CDH12: variants seen among roughly 807,000 people sequenced by gnomAD.
CDH12 encodes the protein cadherin-12.
A neutral mutation model predicts 74.1 loss-of-function variants in CDH12; 41 were observed. The ratio of observed to expected loss-of-function variants is 0.55; its 90% confidence interval spans 0.43 to 0.72. The LOEUF (loss-of-function observed/expected upper bound fraction) is 0.72, where lower values mean the gene tolerates loss of function less well. Among genes scored for constraint, CDH12 ranks in the 30% least tolerant of loss-of-function variants. The pLI, the probability that CDH12 is intolerant of heterozygous loss-of-function variation, is 0.00. For synonymous variants in CDH12, 399 were observed against 355.0 expected (o/e 1.12, Z -1.39); for missense variants, 945 against 977.2 (o/e 0.97, Z 0.44).
At chr5:21,841,647 G>A (rs1749859609) in intron 8 of CDH12, among the ~76,000 whole-genome samples, 1 of 151,482 alleles carries the variant, frequency 6.6e-6, no homozygotes, top group South Asian at 2.1e-4. Flanking sequence ...AGAAAATGTG[G>A]CACATACACA....
At chr5:22,558,236 G>A (rs1245844399) in intron 1 of CDH12, among the ~76,000 whole-genome samples, 1 of 152,006 alleles carries the variant, frequency 6.6e-6, no homozygotes, top group East Asian at 1.9e-4. Context: ...AAGTTACAAG[G>A]AAAGTTGGAA....
At chr5:22,753,420 G>A (rs997877304) in intron 1 of CDH12, among the ~76,000 whole-genome samples, 7 of 149,094 alleles carry the variant, frequency 4.7e-5, no homozygotes, top group African/African-American at 1.5e-4. Context: ...CTGGGAGACA[G>A]AGCGAGACTG....
At chr5:21,872,921 C>CTATCTATCTATCTATCT (rs1554039681) in intron 6 of CDH12, among the ~76,000 whole-genome samples, 7 of 149,704 alleles carry the variant, frequency 4.7e-5, no homozygotes, top group South Asian at 2.1e-4. Flanking sequence ...ATCTATCTAT[C>CTATCTATCTATCTATCT]ATCTTCCTAT....
rs199706779 is a variant in CDH12, at chr5:21,963,093, C to CGATAGATAGATA, written c.526+11986_526+11997dup. ...GCAACTTTAAGCTATTTACAAATAT[C>CGATAGATAGATA]GATAGATAGATAGATAGATAGATAG... On this transcript the variant is annotated intron_variant, in intron 6 of 14. Coordinates refer to ENST00000382254, the MANE Select transcript of CDH12 (RefSeq NM_004061.5). Among the ~76,000 whole-genome samples, 57 of 150,968 alleles carry CGATAGATAGATA rather than the reference C, an allele frequency of 3.8e-4. 1 individual carries two copies. The East Asian group carries it at 8.8e-3, about 23-fold the overall frequency.
In CDH12 at chr5:22,075,318, G is replaced by C. The variant is rs553416461; in HGVS notation, c.231+3128C>G. Among the ~76,000 whole-genome samples the C allele has an allele frequency of 2.7e-3, 342 of 128,110 alleles. 1 individual carries two copies. The highest frequency in any genetic ancestry group is 4.8e-3 in the Non-Finnish European group (292 of 61,394). The allele number at this position is 128,110 out of a possible 152,430, so 84.0% of individuals were successfully genotyped here. A position where few individuals can be genotyped will look rare whatever the true frequency, so the allele number is the denominator to read the frequency against. The stretch of plus-strand genomic sequence containing the variant: ...ACACACTGGGGCCTGTTGTGGGGTG[G>C]GGGGAGGGGGGAGGGATAGCATTAG... On this transcript the variant is annotated intron_variant, in intron 5 of 14. Coordinates refer to ENST00000382254, the MANE Select transcript of CDH12 (RefSeq NM_004061.5).
intron 1 of CDH12, among the ~76,000 whole-genome samples, chr5:22,621,414 T>A (rs1338724460): frequency 6.6e-6 from 1 of 152,114 alleles, no homozygotes; most frequent in Non-Finnish European, 1.5e-5. Flanking sequence ...GACTTATAAA[T>A]GCCTTATACT....
intron 6 of CDH12, chr5:21,883,795 T>C (rs1397783864): frequency 3.8e-6 from 6 of 1,583,788 alleles, no homozygotes; most frequent in East Asian, 2.2e-5. Flanking sequence ...GATGGAGTAG[T>C]TGTGCTGAAG....
intron 6 of CDH12, among the ~76,000 whole-genome samples, chr5:21,961,541 G>A (rs986390343): frequency 5.3e-5 from 8 of 152,040 alleles, no homozygotes; most frequent in African/African-American, 1.9e-4. Flanking sequence ...TTAAGGATGC[G>A]ACCTTATTTA....
At chr5:22,338,244 A>C (rs780792647) in intron 3 of CDH12, among the ~76,000 whole-genome samples, 3 of 152,202 alleles carry the variant, frequency 2.0e-5, no homozygotes, top group Non-Finnish European at 4.4e-5. Context: ...TCAGCCCTAA[A>C]AAAGAATAAG....
chr5:22,089,325 A>G lies in CDH12; in HGVS notation c.-186-10463T>C, dbSNP rs189532342. Among the ~76,000 whole-genome samples the G allele has an allele frequency of 5.9e-4, 90 of 152,204 alleles. 2 individuals are homozygous for G. In the East Asian group the frequency reaches 0.017, roughly 28 times the overall value. Reference sequence around the variant, plus strand: ...ATTTTCCACAATGTTAAGACATGCAAGGAAACAGAAAAATGGGATCCACAC... The same window carrying G: ...ATTTTCCACAATGTTAAGACATGCAGGGAAACAGAAAAATGGGATCCACAC... On this transcript the variant is annotated intron_variant, in intron 4 of 14. Coordinates refer to ENST00000382254, the MANE Select transcript of CDH12 (RefSeq NM_004061.5).
chr5:22,491,610 C>CAAAAAAA (rs11446320), intron 2 of CDH12, among the ~76,000 whole-genome samples: 1 of 120,936 alleles, frequency 8.3e-6, no homozygotes, highest in African/African-American at 3.1e-5. Context: ...AGCTAATGAG[C>CAAAAAAA]AAAAAAAAAA....
chr5:21,928,046 T>C (rs1401416528), intron 6 of CDH12, among the ~76,000 whole-genome samples: 1 of 151,892 alleles, frequency 6.6e-6, no homozygotes, highest in Non-Finnish European at 1.5e-5. Context: ...TGCTCCAGCC[T>C]GGGAGACAGA....
intron 3 of CDH12, among the ~76,000 whole-genome samples, chr5:22,282,988 C>G (rs1561281191): frequency 6.6e-6 from 1 of 151,746 alleles, no homozygotes; most frequent in Non-Finnish European, 1.5e-5. Context: ...TGGAACCAAC[C>G]CAACTGCCCA....
chr5:22,090,718 A>G (rs1181940664), intron 4 of CDH12, among the ~76,000 whole-genome samples: 1 of 151,912 alleles, frequency 6.6e-6, no homozygotes, highest in East Asian at 1.9e-4. Context: ...TACGAAAGAG[A>G]TTATACACTA....
chr5:22,248,237 T>C (rs1179468360), intron 3 of CDH12, among the ~76,000 whole-genome samples: 1 of 152,150 alleles, frequency 6.6e-6, no homozygotes, highest in Admixed American at 6.5e-5. Context: ...AGGCGGAGGT[T>C]GCAGTGAGCC....
intron 8 of CDH12, among the ~76,000 whole-genome samples, chr5:21,822,595 T>C (rs1748432537): frequency 6.6e-6 from 1 of 152,048 alleles, no homozygotes; most frequent in African/African-American, 2.4e-5. Context: ...TAGTCAAGCA[T>C]ACTAAACATA....
intron 4 of CDH12, among the ~76,000 whole-genome samples, chr5:22,130,296 G>A (rs1746111035): frequency 1.3e-5 from 2 of 151,612 alleles, no homozygotes; most frequent in Non-Finnish European, 2.9e-5. Context: ...AACACACAAA[G>A]TCAATTACTT....
At chr5:21,794,432 G>A (rs7729616) in intron 10 of CDH12, among the ~76,000 whole-genome samples, 3,033 of 151,702 alleles carry the variant, frequency 0.02, 88 homozygotes, top group African/African-American at 0.07. Context: ...TCCTAAACAC[G>A]CAGTATACCA....
intron 6 of CDH12, among the ~76,000 whole-genome samples, chr5:21,926,401 G>A (rs1049971441): frequency 8.5e-5 from 13 of 152,160 alleles, no homozygotes; most frequent in African/African-American, 2.7e-4. Flanking sequence ...GACTTGGCTA[G>A]AACCAGTGAA....
Sources: allele counts gnomAD v4.1 joint callset (sites outside exome capture counted in the v4.1 genomes callset), GRCh38; gene constraint gnomAD v4.1.1; transcripts MANE v1.5; gene names NCBI Gene and HGNC (gene_info 2026-07-23, HGNC 2026-07-21).